The following PHACTR3 variants were observed in gnomAD, a reference collection of about 807,000 sequenced individuals.
The protein encoded by PHACTR3 is phosphatase and actin regulator 3, also known as protein phosphatase 1, regulatory subunit 123.
A neutral mutation model predicts 66.8 loss-of-function variants in PHACTR3; 16 were observed. That is an observed-to-expected ratio of 0.24 (90% CI 0.16 to 0.36). The LOEUF (loss-of-function observed/expected upper bound fraction) is 0.36, where lower values mean the gene tolerates loss of function less well. Among genes scored for constraint, PHACTR3 ranks in the 10% least tolerant of loss-of-function variants. The pLI is 1.00. For missense variants in PHACTR3, 647 were observed against 719.9 expected (o/e 0.90, Z 1.16); for synonymous variants, 323 against 292.1 (o/e 1.11, Z -1.08).
Position 59,728,249 on chromosome 20 carries a change from A to G in PHACTR3, c.119-14858A>G, listed in dbSNP as rs180879104. On this transcript the variant is annotated intron_variant, in intron 1 of 12. Transcript: ENST00000371015. ...TGACTGGCTCCTTTCGTTTAGCACC[A>G]TGATCTTGGGGGTCATCTGTGCTGC... 3.3e-5 allele frequency among the ~76,000 whole-genome samples: 5 copies of G among 151,734 alleles called. No individual in the cohort carries two copies. In the East Asian group the frequency reaches 9.7e-4, roughly 29 times the overall value.
chr20:59,779,247 G>A (rs1307130639), intron 7 of PHACTR3, among the ~76,000 whole-genome samples: 1 of 152,194 alleles, frequency 6.6e-6, no homozygotes, highest in African/African-American at 2.4e-5. Context: ...CTTTGCTTTT[G>A]TCACATTCTC....
At chr20:59,671,420 T>C (rs879444790) in intron 1 of PHACTR3, among the ~76,000 whole-genome samples, 4 of 152,102 alleles carry the variant, frequency 2.6e-5, no homozygotes, top group Admixed American at 2.6e-4. Context: ...TGCTGGGAGG[T>C]GGCTTAGCCC....
intron 1 of PHACTR3, among the ~76,000 whole-genome samples, chr20:59,641,294 G>A (rs4596038): frequency 0.72 from 109,072 of 151,612 alleles, 39,373 homozygotes; most frequent in East Asian, 0.9. Flanking sequence ...CTGTCTATCT[G>A]TCTATCTAGA....
At chr20:59,802,026 C>T (rs1410261309) in intron 7 of PHACTR3, among the ~76,000 whole-genome samples, 3 of 152,210 alleles carry the variant, frequency 2.0e-5, no homozygotes, top group East Asian at 1.9e-4. Context: ...GGAGTGTGGT[C>T]GCTGGAGTCA....
rs543194473 is a variant in PHACTR3 at position 59,771,583 on chromosome 20, C to T, written c.752-1696C>T. Among the ~76,000 whole-genome samples, 225 of 151,898 alleles carry T rather than the reference C, an allele frequency of 1.5e-3. 1 individual carries two copies. The highest frequency in any genetic ancestry group is 5.2e-3 in the African/African-American group (214 of 41,470). Reference sequence around the variant, plus strand: ...AGCCCACCTGCGTGGTGCCCTCTCGCCCCCCTCCCTCCACCACTCTCTCTC... The same window carrying T: ...AGCCCACCTGCGTGGTGCCCTCTCGTCCCCCTCCCTCCACCACTCTCTCTC... On this transcript the variant is annotated intron_variant, in intron 5 of 12. Transcript: ENST00000371015.
At chr20:59,609,386 C>A (rs375327568) in intron 1 of PHACTR3, among the ~76,000 whole-genome samples, 1 of 152,284 alleles carries the variant, frequency 6.6e-6, no homozygotes, top group South Asian at 2.1e-4. Context: ...CAACACCAGG[C>A]TCTGTTCTTG....
chr20:59,743,489 C>A (rs960136591), intron 2 of PHACTR3, among the ~76,000 whole-genome samples: 3 of 152,212 alleles, frequency 2.0e-5, no homozygotes, highest in African/African-American at 7.2e-5. Context: ...GCACCAGGCA[C>A]CCCATGTGGG....
intron 1 of PHACTR3, among the ~76,000 whole-genome samples, chr20:59,740,602 G>T (rs1339287115): frequency 6.6e-6 from 1 of 152,272 alleles, no homozygotes; most frequent in Admixed American, 6.5e-5. Flanking sequence ...GGCCTTCCCA[G>T]AATTTATGAC....
intron 7 of PHACTR3, among the ~76,000 whole-genome samples, chr20:59,801,217 C>A (rs756286239): frequency 5.9e-5 from 9 of 152,202 alleles, no homozygotes; most frequent in Non-Finnish European, 1.2e-4. Context: ...CCAGGCTCTT[C>A]CTGGATTCCC....
chr20:59,659,004 A>G (rs1055880994), intron 1 of PHACTR3, among the ~76,000 whole-genome samples: 1 of 150,986 alleles, frequency 6.6e-6, no homozygotes, highest in African/African-American at 2.4e-5. Flanking sequence ...CATCTAATGA[A>G]TGTTTTAAAT....
intron 1 of PHACTR3, among the ~76,000 whole-genome samples, chr20:59,672,125 C>T (rs912071522): frequency 6.6e-6 from 1 of 152,216 alleles, no homozygotes; most frequent in Non-Finnish European, 1.5e-5. Context: ...GTTGTCGCAG[C>T]TGGGAGGCAT....
intron 4 of PHACTR3, among the ~76,000 whole-genome samples, chr20:59,766,811 T>C (rs1257041512): frequency 6.6e-6 from 1 of 152,174 alleles, no homozygotes; most frequent in Non-Finnish European, 1.5e-5. Flanking sequence ...AAATGGAGTT[T>C]TGGAGAGATT....
chr20:59,807,120 C>T (rs1167320144), intron 8 of PHACTR3, among the ~76,000 whole-genome samples: 1 of 152,202 alleles, frequency 6.6e-6, no homozygotes, highest in African/African-American at 2.4e-5. Flanking sequence ...GCTAAATTTA[C>T]ATAAACTTTT....
In PHACTR3 at chr20:59,639,112, T is replaced by G. The variant is rs111499335; in HGVS notation, c.118+33980T>G. Among the ~76,000 whole-genome samples, 270 of 115,752 alleles carry G rather than the reference T, an allele frequency of 2.3e-3. No individual in the cohort carries two copies. In the Middle Eastern group the frequency reaches 0.034, roughly 15 times the overall value. The allele number at this position is 115,752 out of a possible 152,430, so 75.9% of individuals were successfully genotyped here. A position where few individuals can be genotyped will look rare whatever the true frequency, so the allele number is the denominator to read the frequency against. ...GGATGGATGGATGGGTAGACGGATG[T>G]ATGGGTTGATGATGGCTAGGTAGAT... On this transcript the variant is annotated intron_variant, in intron 1 of 12. Transcript: ENST00000371015.
At chr20:59,821,330 A>G (rs1398572029) in intron 8 of PHACTR3, among the ~76,000 whole-genome samples, 1 of 152,184 alleles carries the variant, frequency 6.6e-6, no homozygotes. Flanking sequence ...ACAAGGACGC[A>G]GACTCCTCTT....
At chr20:59,603,218 C>T (rs1289282674), upstream of PHACTR3, among the ~76,000 whole-genome samples, 1 of 152,080 alleles carries the variant, frequency 6.6e-6, no homozygotes, top group African/African-American at 2.4e-5. Context: ...TGTTGGTGAC[C>T]ATTCTCGGCT....
chr20:59,743,068 G>T lies in PHACTR3; in HGVS notation c.119-39G>T, dbSNP rs759606421. On this transcript the variant is annotated intron_variant, in intron 1 of 12. Coordinates refer to ENST00000371015, the MANE Select transcript of PHACTR3 (RefSeq NM_080672.5). ...GGGCCCCCAGGAGTCACATAGGTTTGGTGGCCACTTGAGGACCCCCTTGGT... is the reference window on the plus strand; with the variant it reads ...GGGCCCCCAGGAGTCACATAGGTTTTGTGGCCACTTGAGGACCCCCTTGGT... The T allele has an allele frequency of 1.7e-5, 27 of 1,596,264 alleles. No individual in the cohort carries two copies. In the East Asian group the frequency reaches 5.4e-4, roughly 32 times the overall value.
At chr20:59,809,949 C>A (rs2041686194) in intron 8 of PHACTR3, among the ~76,000 whole-genome samples, 1 of 152,172 alleles carries the variant, frequency 6.6e-6, no homozygotes, top group Non-Finnish European at 1.5e-5. Context: ...AAAAATCCTC[C>A]CCAGCCTAGA....
chr20:59,841,520 G>A lies in PHACTR3; in HGVS notation c.1572G>A (p.Leu524=). ...GGGCAGACAAACCCTGGACGAGACT[G>A]TCAGCAGCAGATAAGGTACCTAACT... The part of the protein sequence containing the change: ...DRRADKPWTR[L]SAADKAAIRK... Residue 524 remains leucine, a synonymous_variant, in exon 11 of 13, where the codon CTG becomes CTA. Transcript: ENST00000371015. 1 of 1,613,224 alleles carries A rather than the reference G, an allele frequency of 6.2e-7. No homozygotes were observed. The highest frequency in any genetic ancestry group is 8.5e-7 in the Non-Finnish European group (1 of 1,179,546).
Sources: gnomAD v4.1 joint callset for allele counts (sites outside exome capture counted in the v4.1 genomes callset) on GRCh38, gnomAD v4.1.1 for gene constraint, MANE v1.5 for transcripts, NCBI Gene and HGNC (gene_info 2026-07-23, HGNC 2026-07-21) for gene names.